The following ZFP82 variants were observed in gnomAD, a reference collection of about 807,000 sequenced individuals.
The protein encoded by ZFP82 is ZFP82 zinc finger protein.
A neutral mutation model predicts 54.0 loss-of-function variants in ZFP82; 30 were observed. The ratio of observed to expected loss-of-function variants is 0.56; its 90% CI spans 0.42 to 0.75. The LOEUF is 0.75. ZFP82 is among the 30% of genes least tolerant of loss of function. The pLI, the probability that ZFP82 is intolerant of heterozygous loss-of-function variation, is 0.00. For synonymous variants in ZFP82, 194 were observed against 209.5 expected (o/e 0.93, Z 0.64); for missense variants, 500 against 636.8 (o/e 0.79, Z 2.31).
intron 4 of ZFP82, among the ~76,000 whole-genome samples, chr19:36,403,633 A>AC (rs1304170528): frequency 2.0e-5 from 3 of 151,524 alleles, no homozygotes; most frequent in Non-Finnish European, 4.4e-5. Context: ...AAAAAAAAAA[A>AC]AAAAAACCTT....
chr19:36,401,075 T>A (rs867602287), intron 4 of ZFP82, among the ~76,000 whole-genome samples: 5 of 145,390 alleles, frequency 3.4e-5, no homozygotes, highest in Non-Finnish European at 6.0e-5. Flanking sequence ...TTTTTTTTTT[T>A]AATTTTTTTA....
chr19:36,388,419 A>G (rs929808440), downstream of ZFP82, among the ~76,000 whole-genome samples: 1 of 152,078 alleles, frequency 6.6e-6, no homozygotes, highest in Non-Finnish European at 1.5e-5. Flanking sequence ...CTAGTTTTTA[A>G]AAAACAAGAT....
downstream of ZFP82, among the ~76,000 whole-genome samples, chr19:36,387,855 C>T (rs1226306886): frequency 6.6e-6 from 1 of 152,222 alleles, no homozygotes; most frequent in Non-Finnish European, 1.5e-5. Context: ...CTCAAGTGAT[C>T]CACCCGCCTC....
intron 2 of ZFP82, among the ~76,000 whole-genome samples, chr19:36,409,261 T>C (rs1381082645): frequency 6.6e-6 from 1 of 152,120 alleles, no homozygotes; most frequent in Non-Finnish European, 1.5e-5. Context: ...CTCTTACCTT[T>C]TTGTTTTATA....
chr19:36,414,179 C>T (rs150849898), intron 1 of ZFP82, among the ~76,000 whole-genome samples: 1,842 of 151,740 alleles, frequency 0.012, 30 homozygotes, highest in African/African-American at 0.042. Flanking sequence ...GGATTACAGG[C>T]GTTAGCCACC....
intron 4 of ZFP82, among the ~76,000 whole-genome samples, chr19:36,396,685 T>A: frequency 6.6e-6 from 1 of 151,410 alleles, no homozygotes; most frequent in East Asian, 1.9e-4. Flanking sequence ...AATAAAGTAA[T>A]TAAAAAATTA....
chr19:36,413,977 T>C (rs2032623553), intron 1 of ZFP82, among the ~76,000 whole-genome samples: 1 of 150,942 alleles, frequency 6.6e-6, no homozygotes, highest in South Asian at 2.1e-4. Flanking sequence ...CTCGGCTCAC[T>C]GCAAGTTCCA....
Position 36,392,444 on chromosome 19 carries a change from G to A in ZFP82, c.*297C>T. 1 of 265,112 alleles carries A rather than the reference G, an allele frequency of 3.8e-6. No homozygotes were observed. The highest frequency in any genetic ancestry group is 8.9e-5 in the South Asian group (1 of 11,246). The allele number at this position is 265,112 out of a possible 1,614,324, so 16.4% of individuals were successfully genotyped here. A position where few individuals can be genotyped will look rare whatever the true frequency, so the allele number is the denominator to read the frequency against. ...GTGTCAAACTGCTGCACTCTTATAT[G>A]ACCATGTCATAAATTAAAAAATTAT... On this transcript the variant is annotated 3_prime_UTR_variant, in exon 5 of 5. Coordinates refer to ENST00000392161, the MANE Select transcript of ZFP82 (RefSeq NM_133466.4).
At chr19:36,414,459 G>T (rs1268373288) in intron 1 of ZFP82, among the ~76,000 whole-genome samples, 1 of 151,366 alleles carries the variant, frequency 6.6e-6, no homozygotes, top group Middle Eastern at 3.4e-3. Context: ...TGCCTCCCGG[G>T]TTCAAGTGAT....
chr19:36,385,144 G>C (rs2032101594), downstream of ZFP82, among the ~76,000 whole-genome samples: 1 of 152,122 alleles, frequency 6.6e-6, no homozygotes, highest in Admixed American at 6.6e-5. Context: ...CTTAGGAATG[G>C]ATTAATGTTG....
rs904265264 is a variant in ZFP82 at position 36,418,529 on chromosome 19, G to A, written c.-116C>T. ...CCTGGGCCGCAGCGCTTTTCCTACA[G>A]ATTACCAGGACCGACGCTCCGGGCC... On this transcript the variant is annotated 5_prime_UTR_variant, in exon 1 of 5. Transcript: ENST00000392161. The A allele has an allele frequency of 3.9e-5, 6 of 152,200 alleles. No individual in the cohort carries two copies. The highest frequency in any genetic ancestry group is 1.2e-4 in the African/African-American group (5 of 41,426). 9.4% of individuals were successfully genotyped at this position (152,200 alleles called of 1,614,324 possible).
chr19:36,393,693 T>C lies in ZFP82; in HGVS notation c.647A>G (p.His216Arg). The stretch of plus-strand genomic sequence containing the variant: ...TTTTTCACCAGAATGAAGTCTCTGA[T>C]GTCGAGTAAGGTGTGCAGTCTGTCT... ...AFRQTAHLTRHQRLHSGEKLY... is the reference protein window; with the variant it reads ...AFRQTAHLTRRQRLHSGEKLY... The change falls in exon 5 of 5, where the codon CAT becomes CGT. Residue 216 changes from histidine (H) to arginine (R), a missense_variant. Physicochemically the swap from His to Arg is conservative, Grantham distance 29. Transcript: ENST00000392161. The C allele has an allele frequency of 1.9e-6, 3 of 1,614,206 alleles. No individual in the cohort carries two copies. The highest frequency in any genetic ancestry group is 1.7e-6 in the Non-Finnish European group (2 of 1,180,032).
chr19:36,400,387 G>A (rs1476678540), intron 4 of ZFP82, among the ~76,000 whole-genome samples: 2 of 152,000 alleles, frequency 1.3e-5, no homozygotes, highest in East Asian at 1.9e-4. Flanking sequence ...TTCAACACAG[G>A]GATAATGTAC....
intron 1 of ZFP82, among the ~76,000 whole-genome samples, chr19:36,411,778 T>C (rs1030020866): frequency 1.3e-5 from 2 of 148,406 alleles, no homozygotes; most frequent in Non-Finnish European, 3.0e-5. Context: ...GGCAGGAGAA[T>C]GGCGTGAAAC....
At chr19:36,409,970 CAG>C in intron 1 of ZFP82, 103 bp from the exon 2 acceptor site, 1 of 608,442 alleles carries the variant, frequency 1.6e-6, no homozygotes, top group Non-Finnish European at 2.9e-6. Context: ...CTCTCCACCA[CAG>C]CTCCTCCAAC....
downstream of ZFP82, among the ~76,000 whole-genome samples, chr19:36,387,621 C>T (rs967637769): frequency 6.6e-6 from 1 of 152,058 alleles, no homozygotes; most frequent in Non-Finnish European, 1.5e-5. Flanking sequence ...CTGTGGTATT[C>T]TTTCCTTTTT....
Position 36,411,757 on chromosome 19 carries a change from C to T in ZFP82, c.-78-1890G>A, listed in dbSNP as rs1040992505. On this transcript the variant is annotated intron_variant, in intron 1 of 4. Coordinates refer to ENST00000392161, the MANE Select transcript of ZFP82 (RefSeq NM_133466.4). ...GCAGGCACCTGTAAGCCCAGCTACC[C>T]GGGAGGCTGAGGCAGGAGAATGGCG... Among the ~76,000 whole-genome samples, 14 of 150,710 alleles carry T rather than the reference C, an allele frequency of 9.3e-5. No individual in the cohort carries two copies. The South Asian group carries it at 1.0e-3, about 11-fold the overall frequency.
At chr19:36,384,066 A>C (rs1443615185), downstream of ZFP82, 3 of 152,186 alleles carry the variant, frequency 2.0e-5, no homozygotes, top group Non-Finnish European at 4.4e-5. Flanking sequence ...CTCTACTTCT[A>C]TGACAGTATC....
At chr19:36,413,579 G>A (rs1368320758) in intron 1 of ZFP82, among the ~76,000 whole-genome samples, 2 of 152,124 alleles carry the variant, frequency 1.3e-5, no homozygotes, top group African/African-American at 2.4e-5. Flanking sequence ...TACTAGCTAT[G>A]GGAGTCAGAC....
Sources: allele counts gnomAD v4.1 joint callset (sites outside exome capture counted in the v4.1 genomes callset), GRCh38; gene constraint gnomAD v4.1.1; transcripts MANE v1.5; gene names NCBI Gene and HGNC (gene_info 2026-07-23, HGNC 2026-07-21).